CCZ1B: variants seen among roughly 807,000 people sequenced by gnomAD.
CCZ1B encodes CCZ1B vacuolar protein trafficking and biogenesis associated.
In CCZ1B, 25 loss-of-function variants were observed where a neutral mutation model predicts 58.8. The ratio of observed to expected loss-of-function variants is 0.43; its 90% CI spans 0.31 to 0.59. CCZ1B has a LOEUF of 0.59. Ranked by LOEUF, CCZ1B falls within the 20% of genes least tolerant of loss-of-function variation. The pLI is 0.12. For synonymous variants in CCZ1B, 66 were observed against 173.2 expected, an observed-to-expected ratio of 0.38 and a Z score of 4.86; for missense variants, 180 against 501.5, an observed-to-expected ratio of 0.36 and a Z score of 6.12.
chr7:6,817,242 C>T (rs1474514099), intron 7 of CCZ1B, among the ~76,000 whole-genome samples: 9 of 151,572 alleles, frequency 5.9e-5, no homozygotes, highest in South Asian at 2.1e-4. Context: ...CAGAGCTGGG[C>T]GCCAGATTGT....
chr7:6,803,656 A>G (rs1393859692), intron 12 of CCZ1B, among the ~76,000 whole-genome samples: 1 of 141,778 alleles, frequency 7.1e-6, no homozygotes, highest in East Asian at 2.3e-4. Context: ...CCACGGTTAT[A>G]CAAGACCATG....
At chr7:6,804,021 T>C (rs1782799330) in intron 12 of CCZ1B, among the ~76,000 whole-genome samples, 1 of 149,712 alleles carries the variant, frequency 6.7e-6, no homozygotes, top group South Asian at 2.2e-4. Flanking sequence ...TCACAGCCTT[T>C]TAGTAACTTC....
At chr7:6,810,632 T>C (rs920066172) in intron 10 of CCZ1B, among the ~76,000 whole-genome samples, 4 of 148,214 alleles carry the variant, frequency 2.7e-5, no homozygotes, top group Non-Finnish European at 4.5e-5. Context: ...TTTAAACATT[T>C]TCCTGTCGAC....
Position 6,810,379 on chromosome 7 carries a change from T to G in CCZ1B, c.954+1573A>C, listed in dbSNP as rs571742498. ...ATGGCAAAGAACTCTATGCTCAAAT[T>G]CATTTTCTCTCAGAACTTTGAAAGT... On this transcript the variant is annotated intron_variant, in intron 10 of 14. Transcript: ENST00000316731. 4.1e-4 allele frequency among the ~76,000 whole-genome samples: 62 copies of G among 149,444 alleles called. 1 individual carries two copies. Among genetic ancestry groups the G allele is most frequent in the African/African-American group, 1.5e-3 (60 of 39,580 alleles).
At chr7:6,821,851 A>G (rs1783116502) in intron 6 of CCZ1B, among the ~76,000 whole-genome samples, 1 of 150,290 alleles carries the variant, frequency 6.7e-6, no homozygotes. Context: ...TGTCAAGGCC[A>G]ATAACTCTTA....
At chr7:6,816,912 CAATGCCCAGCT>C (rs1783010817) in intron 7 of CCZ1B, among the ~76,000 whole-genome samples, 1 of 149,748 alleles carries the variant, frequency 6.7e-6, no homozygotes, top group African/African-American at 2.5e-5. Flanking sequence ...GTGCACACCA[CAATGCCCAGCT>C]AATTTTTTTT....
At chr7:6,818,673 GAAA>G (rs1783055310) in intron 7 of CCZ1B, among the ~76,000 whole-genome samples, 1 of 76,004 alleles carries the variant, frequency 1.3e-5, no homozygotes, top group South Asian at 7.0e-4. Context: ...CAGACAGAAA[GAAA>G]GAAAGAAAGA....
chr7:6,812,707 G>T (rs1193538708), intron 9 of CCZ1B, among the ~76,000 whole-genome samples: 1 of 151,920 alleles, frequency 6.6e-6, no homozygotes, highest in East Asian at 1.9e-4. Context: ...TGGATCACTT[G>T]AAGTCAGGAG....
chr7:6,808,341 A>T (rs1206226015), intron 10 of CCZ1B, among the ~76,000 whole-genome samples: 1 of 120,768 alleles, frequency 8.3e-6, no homozygotes, highest in Non-Finnish European at 1.8e-5. Context: ...GGACAGCCGG[A>T]AGCTCACACC....
rs1035232472 is a variant in CCZ1B at position 6,823,249 on chromosome 7, C to T, written c.438+64G>A. ...CATTTATAGACTTCTCTTTAAACAACCCTGGAGCCTAGAGATAGGGGTAAG... is the reference window on the plus strand; with the variant it reads ...CATTTATAGACTTCTCTTTAAACAATCCTGGAGCCTAGAGATAGGGGTAAG... On this transcript the variant is annotated intron_variant, in intron 5 of 14. Transcript: ENST00000316731. 5 of 1,593,818 alleles carry T rather than the reference C, an allele frequency of 3.1e-6. No homozygotes were observed. In the African/African-American group the frequency reaches 4.2e-5, roughly 13 times the overall value.
intron 12 of CCZ1B, among the ~76,000 whole-genome samples, chr7:6,804,065 C>G (rs1782800362): frequency 6.6e-6 from 1 of 150,726 alleles, no homozygotes; most frequent in Non-Finnish European, 1.5e-5. Flanking sequence ...AAAAGCAGGA[C>G]TTCAACTTCG....
chr7:6,820,591 C>T (rs1179572288), intron 6 of CCZ1B, among the ~76,000 whole-genome samples: 1 of 148,626 alleles, frequency 6.7e-6, no homozygotes, highest in East Asian at 2.0e-4. Flanking sequence ...GCTGGGAATA[C>T]AGGCATGAGC....
rs556879522 is a variant in CCZ1B, at chr7:6,813,509, T to G, written c.781-472A>C. On this transcript the variant is annotated intron_variant, in intron 8 of 14. Transcript: ENST00000316731. ...GACAGGACCGCTTGAGCCCAAGAGT[T>G]TGAGACCATCCGAGTCAACAAAGTG... Among the ~76,000 whole-genome samples the G allele has an allele frequency of 2.7e-4, 41 of 149,186 alleles. 8 individuals are homozygous for G. Among genetic ancestry groups the G allele is most frequent in the African/African-American group, 1.0e-3 (40 of 39,498 alleles).
At chr7:6,823,665 T>TGC (rs1249440936) in intron 4 of CCZ1B, among the ~76,000 whole-genome samples, 1 of 151,912 alleles carries the variant, frequency 6.6e-6, no homozygotes, top group Non-Finnish European at 1.5e-5. Flanking sequence ...ATGACAGGTG[T>TGC]GCGCCACCAT....
intron 1 of CCZ1B, among the ~76,000 whole-genome samples, chr7:6,825,641 C>CA (rs1554259767): frequency 3.4e-5 from 3 of 87,310 alleles, no homozygotes; most frequent in African/African-American, 4.7e-5. Flanking sequence ...CTCAGAAAAA[C>CA]CACACACACA....
At chr7:6,815,280 C>G (rs1368349673) in intron 7 of CCZ1B, among the ~76,000 whole-genome samples, 1 of 147,938 alleles carries the variant, frequency 6.8e-6, no homozygotes, top group Non-Finnish European at 1.5e-5. Flanking sequence ...GTCCTCCCAT[C>G]TCAGCCTCCA....
chr7:6,818,706 G>C (rs1464752273), intron 7 of CCZ1B, among the ~76,000 whole-genome samples: 1 of 106,342 alleles, frequency 9.4e-6, no homozygotes, highest in Non-Finnish European at 2.0e-5. Flanking sequence ...AAGAAAGAAA[G>C]AAAGACAAGA....
At chr7:6,812,819 G>A (rs1371612816) in intron 9 of CCZ1B, among the ~76,000 whole-genome samples, 157 bp downstream of exon 9, 1 of 148,850 alleles carries the variant, frequency 6.7e-6, no homozygotes, top group African/African-American at 2.6e-5. Context: ...CCAGCTACTT[G>A]GGAGGCTGAG....
At chr7:6,802,751 CTG>C (rs1228443835) in intron 12 of CCZ1B, among the ~76,000 whole-genome samples, 1 of 23,090 alleles carries the variant, frequency 4.3e-5, no homozygotes. Context: ...TCAAAACACT[CTG>C]TGAGGCCAGG....
Sources: gnomAD v4.1 joint callset for allele counts (sites outside exome capture counted in the v4.1 genomes callset) on GRCh38, gnomAD v4.1.1 for gene constraint, MANE v1.5 for transcripts, NCBI Gene and HGNC (gene_info 2026-07-23, HGNC 2026-07-21) for gene names.